GPI: variants seen among roughly 807,000 people sequenced by gnomAD.
GPI encodes the protein glucose-6-phosphate isomerase.
A neutral mutation model predicts 75.8 loss-of-function variants in GPI; 56 were observed. That is an observed-to-expected ratio of 0.74 (90% CI 0.60 to 0.92). The LOEUF (loss-of-function observed/expected upper bound fraction) is 0.92, where lower values mean the gene tolerates loss of function less well. GPI is among the 40% of genes least tolerant of loss of function. The pLI is 0.00. For synonymous variants in GPI, 288 were observed against 285.4 expected (o/e 1.01, Z -0.09); for missense variants, 638 against 741.0 (o/e 0.86, Z 1.61).
chr19:34,388,529 A>T (rs982274754), intron 9 of GPI, among the ~76,000 whole-genome samples: 1 of 152,142 alleles, frequency 6.6e-6, no homozygotes, highest in Admixed American at 6.6e-5. Flanking sequence ...TGGTTAGATA[A>T]GGTGAGATCT....
upstream of GPI, among the ~76,000 whole-genome samples, chr19:34,362,977 A>C (rs1176853327): frequency 6.6e-6 from 1 of 152,234 alleles, no homozygotes; most frequent in East Asian, 1.9e-4. Context: ...CACCAAAATA[A>C]CCTACTAGAA....
chr19:34,370,819 G>T (rs1439071528), intron 4 of GPI, among the ~76,000 whole-genome samples: 2 of 152,172 alleles, frequency 1.3e-5, no homozygotes, highest in Non-Finnish European at 2.9e-5. Context: ...TTGGGAGGCT[G>T]GGGTGGGAGG....
At chr19:34,372,548 G>A (rs182805362) in intron 4 of GPI, among the ~76,000 whole-genome samples, 7 of 152,172 alleles carry the variant, frequency 4.6e-5, no homozygotes, top group Admixed American at 1.3e-4. Context: ...AGGCTGAGGC[G>A]GGAGAATTGC....
At chr19:34,380,474 T>G (rs1233584562) in intron 8 of GPI, among the ~76,000 whole-genome samples, 1 of 148,410 alleles carries the variant, frequency 6.7e-6, no homozygotes. Flanking sequence ...TAGAGACAGG[T>G]TTTCTCCATG....
Position 34,399,736 on chromosome 19 carries a change from A to T in GPI, c.1492A>T (p.Ile498Phe). Residue 498 changes from isoleucine to phenylalanine, a missense_variant, in exon 17 of 18, where the codon ATC becomes TTC. Ile to Phe is a conservative substitution (Grantham distance 21, BLOSUM62 0). Coordinates refer to ENST00000356487, the MANE Select transcript of GPI (RefSeq NM_000175.5). ...TTCTGCAGCCATGTATGAGCACAAGATCTTCGTTCAGGGCATCATCTGGGA... is the reference window on the plus strand; with the variant it reads ...TTCTGCAGCCATGTATGAGCACAAGTTCTTCGTTCAGGGCATCATCTGGGA... ...GALVAMYEHKIFVQGIIWDIN... is the reference protein window; with the variant it reads ...GALVAMYEHKFFVQGIIWDIN... The T allele has an allele frequency of 1.2e-6, 2 of 1,613,966 alleles. No individual in the cohort carries two copies. Among genetic ancestry groups the T allele is most frequent in the Non-Finnish European group, 1.7e-6 (2 of 1,180,002 alleles).
At chr19:34,365,023 G>C (rs1351769200), upstream of GPI, 22 of 1,528,932 alleles carry the variant, frequency 1.4e-5, no homozygotes, top group Non-Finnish European at 1.9e-5. Flanking sequence ...GCAAGAGGTA[G>C]GGAGAGAGGA....
chr19:34,399,905 G>C lies in GPI; in HGVS notation c.1546G>C (p.Glu516Gln). 1 of 1,614,068 alleles carries C rather than the reference G, an allele frequency of 6.2e-7. No individual in the cohort carries two copies. The highest frequency in any genetic ancestry group is 1.7e-5 in the Admixed American group (1 of 60,010). Residue 516 changes from glutamate (E) to glutamine (Q), a missense_variant, in exon 18 of 18, where the codon GAG becomes CAG. Transcript: ENST00000356487. ...CTTCCCTTCCCTTCTTGGCAGAGTGGAGCTGGGAAAGCAGCTGGCTAAGAA... is the reference window on the plus strand; with the variant it reads ...CTTCCCTTCCCTTCTTGGCAGAGTGCAGCTGGGAAAGCAGCTGGCTAAGAA... ...DINSFDQWGV[E>Q]LGKQLAKKIE...
chr19:34,382,999 G>A (rs2145380260), intron 9 of GPI, among the ~76,000 whole-genome samples: 1 of 152,282 alleles, frequency 6.6e-6, no homozygotes, highest in East Asian at 1.9e-4. Flanking sequence ...TGGGGTCTCG[G>A]GTGAGCTACA....
chr19:34,364,671 C>G (rs544049782), upstream of GPI: 1 of 340,996 alleles, frequency 2.9e-6, no homozygotes, highest in South Asian at 9.6e-5. Context: ...AGCCACCGCG[C>G]CCGGCCTAGT....
At chr19:34,394,589 C>G (rs928994603) in intron 12 of GPI, among the ~76,000 whole-genome samples, 1 of 41,402 alleles carries the variant, frequency 2.4e-5, no homozygotes, top group Non-Finnish European at 5.5e-5. Context: ...AAGTGTGTAT[C>G]TAGTCTGTGG....
intron 4 of GPI, among the ~76,000 whole-genome samples, chr19:34,374,968 T>G (rs918950987): frequency 1.3e-5 from 2 of 151,970 alleles, no homozygotes; most frequent in Non-Finnish European, 2.9e-5. Flanking sequence ...CCTCAAGTGA[T>G]CCTCCTGCCT....
At chr19:34,395,750 G>T (rs556928591) in intron 12 of GPI, among the ~76,000 whole-genome samples, 2 of 152,244 alleles carry the variant, frequency 1.3e-5, no homozygotes, top group African/African-American at 4.8e-5. Flanking sequence ...GAAGGGGATC[G>T]TGCCTGTGGA....
At position 34,365,290 on chromosome 19, in the gene GPI, C is replaced by T. The variant is rs750387485; in HGVS notation, c.24C>T (p.Pro8=). ...CCATGGCCGCTCTCACCCGGGACCC[C>T]CAGTTCCAGAAGCTGCAGCAATGGT... MAALTRD[P]QFQKLQQWYR... is the part of the protein sequence containing the mutation. The change falls in exon 1 of 18, where the codon CCC becomes CCT. Residue 8 remains proline, a synonymous_variant. Transcript: ENST00000356487. The T allele has an allele frequency of 6.3e-6, 10 of 1,580,918 alleles. No homozygotes were observed. Among genetic ancestry groups the T allele is most frequent in the South Asian group, 2.3e-5 (2 of 87,978 alleles).
chr19:34,394,164 C>A, intron 12 of GPI, 98 bp downstream of exon 12: 1 of 879,870 alleles, frequency 1.1e-6, no homozygotes, highest in South Asian at 1.4e-5. Context: ...AGCTCTTTGC[C>A]CCATTGCCCT....
Position 34,393,210 on chromosome 19 carries a change from G to T in GPI, c.805-38G>T. ...CGGCAGGAGGTGGGGGGCGGGGTGT[G>T]CCGGCCCTCCCTCAGCACCTTGTCC... On this transcript the variant is annotated intron_variant, in intron 9 of 17. Transcript: ENST00000356487. The surrounding 1 kb of genome is among the most constrained non-coding windows in gnomAD (Gnocchi z 4.4). 1 of 1,530,190 alleles carries T rather than the reference G, an allele frequency of 6.5e-7. No homozygotes were observed. The allele number at this position is 1,530,190 out of a possible 1,614,324, so 94.8% of individuals were successfully genotyped here. A position where few individuals can be genotyped will look rare whatever the true frequency, so the allele number is the denominator to read the frequency against.
chr19:34,396,892 C>A (rs184478147), intron 14 of GPI, among the ~76,000 whole-genome samples: 1 of 152,312 alleles, frequency 6.6e-6, no homozygotes, highest in Non-Finnish European at 1.5e-5. Context: ...CTCACTGCAA[C>A]CTTCCCCTCC....
In GPI at chr19:34,401,421, CTG is replaced by C; in HGVS notation, c.*1389_*1390del. On this transcript the variant is annotated 3_prime_UTR_variant, in exon 18 of 18. Coordinates refer to ENST00000356487, the MANE Select transcript of GPI (RefSeq NM_000175.5). ...TTTTTTTAGCAGAGACAGTGTCTCA[CTG>C]TGTTAGTCAGGATGGTCTCGATCTC... 6.6e-6 allele frequency: 1 copy of C among 152,232 alleles called. No homozygotes were observed. The highest frequency in any genetic ancestry group is 6.5e-5 in the Admixed American group (1 of 15,292). The allele number at this position is 152,232 out of a possible 1,614,324, so 9.4% of individuals were successfully genotyped here.
chr19:34,378,253 G>A (rs2074580908), intron 6 of GPI, among the ~76,000 whole-genome samples: 1 of 152,146 alleles, frequency 6.6e-6, no homozygotes, highest in Non-Finnish European at 1.5e-5. Context: ...GAGTGTAGTG[G>A]CGTGATCTCG....
At chr19:34,396,501 T>G in intron 13 of GPI, 71 bp downstream of exon 13, 1 of 1,612,028 alleles carries the variant, frequency 6.2e-7, no homozygotes, top group Non-Finnish European at 8.5e-7. Flanking sequence ...ATATCTCACT[T>G]AGGTCAGTGC....
Sources: gnomAD v4.1 joint callset for allele counts (sites outside exome capture counted in the v4.1 genomes callset) on GRCh38, gnomAD v4.1.1 for gene constraint, Gnocchi (gnomAD v3.1) non-coding constraint, MANE v1.5 for transcripts, NCBI Gene and HGNC (gene_info 2026-07-23, HGNC 2026-07-21) for gene names.